RANBP2: variants seen among roughly 807,000 people sequenced by gnomAD.
RANBP2 encodes the protein E3 SUMO-protein ligase RanBP2.
RANBP2 carries 57 observed loss-of-function variants against 303.6 expected under a neutral mutation model. The observed-to-expected ratio is 0.19, with a 90% CI of 0.15 to 0.23. The LOEUF (loss-of-function observed/expected upper bound fraction) is 0.23. Ranked by LOEUF, RANBP2 falls within the 10% of genes least tolerant of loss-of-function variation. RANBP2 has a pLI of 1.00. For synonymous variants in RANBP2, 1,167 were observed against 1,301.5 expected (o/e 0.90, Z 2.23); for missense variants, 3,138 against 3,780.8 (o/e 0.83, Z 4.46).
the RANBP2 span, among the ~76,000 whole-genome samples, chr2:109,099,749 T>G: frequency 3.9e-5 from 6 of 152,134 alleles, no homozygotes; most frequent in African/African-American, 1.4e-4. Flanking sequence ...GTCCACATCG[T>G]TTTTGCATAC....
At chr2:108,894,476 T>C in the RANBP2 span, 1 of 152,500 alleles carries the variant, frequency 6.6e-6, no homozygotes, top group Non-Finnish European at 1.5e-5. Context: ...ATAAATCTTA[T>C]TAATGTGTTT....
chr2:109,621,772 G>A, the RANBP2 span, among the ~76,000 whole-genome samples: 407 of 152,096 alleles, frequency 2.7e-3, 5 homozygotes, highest in Middle Eastern at 6.8e-3. Flanking sequence ...TATTAGCTAG[G>A]CATAGTGGTG....
the RANBP2 span, among the ~76,000 whole-genome samples, chr2:109,295,057 C>T: frequency 5.3e-5 from 8 of 152,240 alleles, no homozygotes. Flanking sequence ...GCAGGAAATG[C>T]CACTGTTGTC....
At chr2:109,429,424 G>T in the RANBP2 span, among the ~76,000 whole-genome samples, 1 of 152,188 alleles carries the variant, frequency 6.6e-6, no homozygotes, top group Non-Finnish European at 1.5e-5. Context: ...AGAGATCAGA[G>T]TGAAGGATTA....
the RANBP2 span, among the ~76,000 whole-genome samples, chr2:109,674,875 G>A: frequency 1.3e-5 from 2 of 152,102 alleles, no homozygotes; most frequent in Non-Finnish European, 2.9e-5. Context: ...TTGCTTACAT[G>A]GAGTCATCTC....
downstream of RANBP2, chr2:108,787,880 G>C: frequency 1.6e-6 from 1 of 627,406 alleles, no homozygotes; most frequent in East Asian, 3.6e-5. Flanking sequence ...TCACATTATT[G>C]ATGATATTAG....
the RANBP2 span, among the ~76,000 whole-genome samples, chr2:109,311,808 A>G: frequency 2.6e-5 from 4 of 152,234 alleles, no homozygotes; most frequent in Admixed American, 6.5e-5. Flanking sequence ...AGAGACAGCA[A>G]ACTTTACTAA....
At chr2:108,814,277 G>A in the RANBP2 span, among the ~76,000 whole-genome samples, 2 of 152,110 alleles carry the variant, frequency 1.3e-5, no homozygotes, top group Non-Finnish European at 2.9e-5. Context: ...TCAACATTTG[G>A]TGTTTTCAGT....
At chr2:109,068,162 C>T in the RANBP2 span, among the ~76,000 whole-genome samples, 3 of 152,258 alleles carry the variant, frequency 2.0e-5, no homozygotes, top group East Asian at 1.9e-4. Flanking sequence ...GTGTATTCCC[C>T]TCTGACACAC....
At chr2:109,041,685 CTTTTTTTTTTTTTT>C in the RANBP2 span, among the ~76,000 whole-genome samples, 1 of 82,048 alleles carries the variant, frequency 1.2e-5, no homozygotes, top group African/African-American at 5.7e-5. Flanking sequence ...CCATGCCCGG[CTTTTTTTTTTTTTT>C]TTTTTTTTTT....
intron 6 of RANBP2, among the ~76,000 whole-genome samples, chr2:108,737,669 C>T (rs561412599): frequency 6.6e-6 from 1 of 151,230 alleles, no homozygotes; most frequent in East Asian, 2.0e-4. Context: ...CTGTCTCTGC[C>T]TCCGGAATAG....
the RANBP2 span, chr2:109,614,347 C>G: frequency 1.4e-5 from 10 of 723,700 alleles, no homozygotes; most frequent in Non-Finnish European, 1.9e-5. Context: ...GAGGCGGTGG[C>G]CGAGTCCTCT....
the RANBP2 span, among the ~76,000 whole-genome samples, chr2:108,893,345 A>T: frequency 6.6e-6 from 1 of 152,182 alleles, no homozygotes; most frequent in East Asian, 1.9e-4. Context: ...CTTCAAGTAG[A>T]CCTAGCCTGA....
chr2:108,803,450 T>A, the RANBP2 span, among the ~76,000 whole-genome samples: 40 of 152,176 alleles, frequency 2.6e-4, no homozygotes, highest in African/African-American at 8.4e-4. Flanking sequence ...AATTTTTTTT[T>A]AATTGTTTTA....
the RANBP2 span, among the ~76,000 whole-genome samples, chr2:109,686,547 T>C: frequency 2.0e-5 from 3 of 152,148 alleles, no homozygotes; most frequent in Non-Finnish European, 2.9e-5. Context: ...ACTCCTGACC[T>C]CGTGATTTGC....
the RANBP2 span, among the ~76,000 whole-genome samples, chr2:109,227,579 C>T: frequency 6.6e-6 from 1 of 152,208 alleles, no homozygotes; most frequent in Admixed American, 6.5e-5. Flanking sequence ...TGGGAGATCC[C>T]TGGCTCTTGG....
the RANBP2 span, among the ~76,000 whole-genome samples, chr2:109,670,370 C>T: frequency 3.3e-4 from 18 of 55,178 alleles, no homozygotes; most frequent in South Asian, 9.6e-4. Context: ...CTGCCCCTGG[C>T]GGGGGGCTGG....
chr2:109,186,888 G>C, the RANBP2 span, among the ~76,000 whole-genome samples: 1 of 152,164 alleles, frequency 6.6e-6, no homozygotes, highest in Non-Finnish European at 1.5e-5. Context: ...GATTCTGTGG[G>C]TCCATATATT....
At chr2:108,798,565 A>G in the RANBP2 span, 3 of 1,609,928 alleles carry the variant, frequency 1.9e-6, no homozygotes, top group Non-Finnish European at 2.5e-6. Context: ...AGGTTCTTAC[A>G]AGATTTCAAA....
Sources: allele counts gnomAD v4.1 joint callset (sites outside exome capture counted in the v4.1 genomes callset), GRCh38; gene constraint gnomAD v4.1.1; transcripts MANE v1.5; gene names NCBI Gene and HGNC (gene_info 2026-07-23, HGNC 2026-07-21).